NUDT5: variants seen among roughly 807,000 people sequenced by gnomAD.
The protein encoded by NUDT5 is ADP-sugar pyrophosphatase.
In NUDT5, 21 loss-of-function variants were observed where a neutral mutation model predicts 34.1. The ratio of observed to expected loss-of-function variants is 0.62; its 90% CI spans 0.44 to 0.89. The LOEUF is 0.89. Among genes scored for constraint, NUDT5 ranks in the 40% least tolerant of loss-of-function variants. NUDT5 has a pLI of 0.00. For missense variants in NUDT5, 249 were observed against 274.8 expected (o/e 0.91, Z 0.66); for synonymous variants, 85 against 97.6 (o/e 0.87, Z 0.76).
chr10:12,194,529 A>G (rs1835295790), intron 1 of NUDT5, among the ~76,000 whole-genome samples: 1 of 152,224 alleles, frequency 6.6e-6, no homozygotes, highest in Non-Finnish European at 1.5e-5. Flanking sequence ...ACTCTGCAAC[A>G]TTATAATCTA....
Position 12,165,858 on chromosome 10 carries a change from A to G in NUDT5, c.*1844T>C, listed in dbSNP as rs1294483115. Reference sequence around the variant, plus strand: ...ACAGTGGCTCGGTGAGCATCCGCCAAGGGCCTCAGACCACTGTTACCATAA... The same window carrying G: ...ACAGTGGCTCGGTGAGCATCCGCCAGGGGCCTCAGACCACTGTTACCATAA... On this transcript the variant is annotated 3_prime_UTR_variant, in exon 10 of 10. Transcript: ENST00000491614. 1 of 152,230 alleles carries G rather than the reference A, an allele frequency of 6.6e-6. No homozygotes were observed. The highest frequency in any genetic ancestry group is 1.5e-5 in the Non-Finnish European group (1 of 68,044). 9.4% of individuals were successfully genotyped at this position (152,230 alleles called of 1,614,324 possible). A position where few individuals can be genotyped will look rare whatever the true frequency, so the allele number is the denominator to read the frequency against.
chr10:12,190,393 T>C (rs1204864761), intron 1 of NUDT5, among the ~76,000 whole-genome samples: 1 of 152,106 alleles, frequency 6.6e-6, no homozygotes, highest in Non-Finnish European at 1.5e-5. Context: ...GCAGGCTAAC[T>C]AGCAGTCTCT....
In NUDT5 at chr10:12,182,514, C is replaced by T. The variant is rs1371368875; in HGVS notation, c.131+2375G>A. On this transcript the variant is annotated intron_variant, in intron 3 of 9. Coordinates refer to ENST00000491614, the MANE Select transcript of NUDT5 (RefSeq NM_014142.4). The surrounding 1 kb of genome is among the most constrained non-coding windows in gnomAD (Gnocchi z 4.3). The stretch of plus-strand genomic sequence containing the variant: ...TCCTCTTCAGAGGCCAGGAAAAAAA[C>T]CCTATGTATGGAAGAATGGACATGA... Among the ~76,000 whole-genome samples the T allele has an allele frequency of 1.3e-5, 2 of 152,078 alleles. No individual in the cohort carries two copies. The highest frequency in any genetic ancestry group is 2.4e-5 in the African/African-American group (1 of 41,394).
At chr10:12,193,605 T>C (rs1027557002) in intron 1 of NUDT5, among the ~76,000 whole-genome samples, 3 of 152,230 alleles carry the variant, frequency 2.0e-5, no homozygotes, top group African/African-American at 7.2e-5. Flanking sequence ...CATTTAGCTG[T>C]ATCCATTCAA....
intron 5 of NUDT5, among the ~76,000 whole-genome samples, chr10:12,176,993 AC>A (rs777453165): frequency 6.6e-6 from 1 of 151,892 alleles, no homozygotes; most frequent in Admixed American, 6.6e-5. Context: ...GTGGTGACAC[AC>A]GCCTGTAATC....
intron 3 of NUDT5, among the ~76,000 whole-genome samples, chr10:12,180,031 G>A (rs1281396788): frequency 6.6e-6 from 1 of 152,146 alleles, no homozygotes; most frequent in Non-Finnish European, 1.5e-5. Context: ...TCTGGGGCTT[G>A]GGATAAAAAG....
At chr10:12,174,979 A>G (rs942056550) in intron 5 of NUDT5, among the ~76,000 whole-genome samples, 2 of 152,208 alleles carry the variant, frequency 1.3e-5, no homozygotes, top group Non-Finnish European at 2.9e-5. Context: ...AGGCCAAGGA[A>G]GAGGAAGGGA....
intron 1 of NUDT5, among the ~76,000 whole-genome samples, chr10:12,192,643 C>T (rs914359013): frequency 1.3e-5 from 2 of 152,038 alleles, no homozygotes; most frequent in Admixed American, 1.3e-4. Flanking sequence ...CACTTGAGGT[C>T]AGGAGTTCGA....
rs760790986 is a variant in NUDT5 at position 12,170,076 on chromosome 10, C to G, written c.550+641G>C. On this transcript the variant is annotated intron_variant, in intron 9 of 9. Coordinates refer to ENST00000491614, the MANE Select transcript of NUDT5 (RefSeq NM_014142.4). This position sits in a 1 kb window ranked among gnomAD's most constrained non-coding sequence, Gnocchi z 4.9. Reference sequence around the variant, plus strand: ...ATCTCCTCGTCTCCACACAGTATCTCCTCATGTCTCCATACAGTATCTCCT... The same window carrying G: ...ATCTCCTCGTCTCCACACAGTATCTGCTCATGTCTCCATACAGTATCTCCT... 4 of 1,599,908 alleles carry G rather than the reference C, an allele frequency of 2.5e-6. No individual in the cohort carries two copies. In the East Asian group the frequency reaches 8.9e-5, roughly 36 times the overall value.
Position 12,168,475 on chromosome 10 carries a change from G to C in NUDT5, c.551-664C>G, listed in dbSNP as rs1425014834. Among the ~76,000 whole-genome samples, 1 of 152,148 alleles carries C rather than the reference G, an allele frequency of 6.6e-6. No individual in the cohort carries two copies. The highest frequency in any genetic ancestry group is 1.5e-5 in the Non-Finnish European group (1 of 68,028). On this transcript the variant is annotated intron_variant, in intron 9 of 9. Coordinates refer to ENST00000491614, the MANE Select transcript of NUDT5 (RefSeq NM_014142.4). This position sits in a 1 kb window ranked among gnomAD's most constrained non-coding sequence, Gnocchi z 4.8. ...AGGGATTCCATCTTTTCTGCTGCTA[G>C]GGGATACATATGTTCCCCCGGCAAG...
intron 5 of NUDT5, among the ~76,000 whole-genome samples, chr10:12,177,408 A>G (rs1034744149): frequency 6.6e-6 from 1 of 151,634 alleles, no homozygotes; most frequent in Non-Finnish European, 1.5e-5. Flanking sequence ...AGTCCCAGCC[A>G]CTCGGGAGGC....
Position 12,175,675 on chromosome 10 carries a change from G to A in NUDT5, c.290-1862C>T, listed in dbSNP as rs1834937246. Among the ~76,000 whole-genome samples the A allele has an allele frequency of 6.6e-6, 1 of 152,038 alleles. No individual in the cohort carries two copies. On this transcript the variant is annotated intron_variant, in intron 5 of 9. Coordinates refer to ENST00000491614, the MANE Select transcript of NUDT5 (RefSeq NM_014142.4). This position sits in a 1 kb window ranked among gnomAD's most constrained non-coding sequence, Gnocchi z 4.8. ...AGCCCGGGCATGGCGGCTCACACCT[G>A]TAATCTTAGCACTTTGGGAAGCTAA...
chr10:12,185,324 A>G (rs1835108138), intron 2 of NUDT5, among the ~76,000 whole-genome samples: 1 of 152,236 alleles, frequency 6.6e-6, no homozygotes, highest in African/African-American at 2.4e-5. Context: ...CTGGGTGCAT[A>G]CAACACAGGT....
intron 1 of NUDT5, among the ~76,000 whole-genome samples, chr10:12,190,501 G>A (rs1835205324): frequency 6.6e-6 from 1 of 151,996 alleles, no homozygotes; most frequent in South Asian, 2.1e-4. Flanking sequence ...AGTTTAGCAA[G>A]CACATCTGGG....
At position 12,170,567 on chromosome 10, in the gene NUDT5, A is replaced by T; in HGVS notation, c.550+150T>A. 3.9e-6 allele frequency: 3 copies of T among 770,002 alleles called. No individual in the cohort carries two copies. The highest frequency in any genetic ancestry group is 1.7e-5 in the South Asian group (1 of 60,420). The allele number at this position is 770,002 out of a possible 1,614,324, so 47.7% of individuals were successfully genotyped here. A position where few individuals can be genotyped will look rare whatever the true frequency, so the allele number is the denominator to read the frequency against. On this transcript the variant is annotated intron_variant, in intron 9 of 9. Coordinates refer to ENST00000491614, the MANE Select transcript of NUDT5 (RefSeq NM_014142.4). This position sits in a 1 kb window ranked among gnomAD's most constrained non-coding sequence, Gnocchi z 4.9. ...GTGCCACCCAGAAAGGAAAATTAGT[A>T]GTGGTCACCTGCAGTTTTACAAGTT... is the stretch of plus-strand genomic sequence containing the variant.
In NUDT5 at chr10:12,179,083, C is replaced by G; in HGVS notation, c.181G>C (p.Gly61Arg). 1 of 1,613,734 alleles carries G rather than the reference C, an allele frequency of 6.2e-7. No individual in the cohort carries two copies. The highest frequency in any genetic ancestry group is 8.5e-7 in the Non-Finnish European group (1 of 1,179,650). The change falls in exon 4 of 10, where the codon GGT (glycine) becomes CGT (arginine). Residue 61 changes from glycine to arginine, a missense_variant and splice_region_variant. By Grantham distance (125) the Gly-to-Arg change is moderately radical. Coordinates refer to ENST00000491614, the MANE Select transcript of NUDT5 (RefSeq NM_014142.4). Reference protein sequence around the residue: ...RTTRKEQTADGVAVIPVLQRT... With the variant: ...RTTRKEQTADRVAVIPVLQRT... ...GGTTGGAATAGGTTTGCACTCCTAC[C>G]ATCCGCAGTCTGCTCTTTCCTGGTT...
intron 7 of NUDT5, 107 bp downstream of exon 7, chr10:12,172,658 G>C: frequency 1.4e-6 from 1 of 722,260 alleles, no homozygotes; most frequent in Non-Finnish European, 2.5e-6. Flanking sequence ...TTGAAAGACC[G>C]ATTCTTTCCA....
chr10:12,191,083 C>G (rs1835218904), intron 1 of NUDT5, among the ~76,000 whole-genome samples: 1 of 152,060 alleles, frequency 6.6e-6, no homozygotes, highest in Non-Finnish European at 1.5e-5. Flanking sequence ...CCACTTTCTC[C>G]TTTAAAAAAC....
At position 12,182,968 on chromosome 10, in the gene NUDT5, C is replaced by T. The variant is rs1835068601; in HGVS notation, c.131+1921G>A. Among the ~76,000 whole-genome samples the T allele has an allele frequency of 6.6e-6, 1 of 152,200 alleles. No homozygotes were observed. The highest frequency in any genetic ancestry group is 1.9e-4 in the East Asian group (1 of 5,196). On this transcript the variant is annotated intron_variant, in intron 3 of 9. Coordinates refer to ENST00000491614, the MANE Select transcript of NUDT5 (RefSeq NM_014142.4). This position sits in a 1 kb window ranked among gnomAD's most constrained non-coding sequence, Gnocchi z 4.3. ...GCCAGGCTGGTCTCGAACTCTTGAC[C>T]TCAAGTGATCCACCCACCTTGGCCT...
Sources: gnomAD v4.1 joint callset for allele counts (sites outside exome capture counted in the v4.1 genomes callset) on GRCh38, gnomAD v4.1.1 for gene constraint, Gnocchi (gnomAD v3.1) non-coding constraint, MANE v1.5 for transcripts, NCBI Gene and HGNC (gene_info 2026-07-23, HGNC 2026-07-21) for gene names.